CHCHD3: variants seen among roughly 807,000 people sequenced by gnomAD.
CHCHD3 encodes MICOS complex subunit MIC19.
In CHCHD3, 20 loss-of-function variants were observed where a neutral mutation model predicts 38.2. That is an observed-to-expected ratio of 0.52 (90% CI 0.37 to 0.76). CHCHD3 has a LOEUF of 0.76. Ranked by LOEUF, CHCHD3 falls within the 30% of genes least tolerant of loss-of-function variation. The probability of loss-of-function intolerance (pLI) is 0.00; values close to 1 mark genes in which losing one functional copy is unlikely to be tolerated. For missense variants in CHCHD3, 245 were observed against 279.2 expected, an observed-to-expected ratio of 0.88 and a Z score of 0.87; for synonymous variants, 82 against 100.0, an observed-to-expected ratio of 0.82 and a Z score of 1.07.
chr7:132,947,960 G>A (rs1296535705), intron 4 of CHCHD3, among the ~76,000 whole-genome samples: 1 of 151,950 alleles, frequency 6.6e-6, no homozygotes, highest in Non-Finnish European at 1.5e-5. Flanking sequence ...GTGTGACAAG[G>A]ATCCCACAGT....
chr7:132,951,208 A>G (rs1481188915), intron 4 of CHCHD3, among the ~76,000 whole-genome samples: 1 of 152,220 alleles, frequency 6.6e-6, no homozygotes, highest in Non-Finnish European at 1.5e-5. Flanking sequence ...ACTGTTGAAA[A>G]GGCCAAGGAG....
chr7:132,984,505 C>A (rs1328847316), intron 3 of CHCHD3, among the ~76,000 whole-genome samples: 1 of 145,892 alleles, frequency 6.9e-6, no homozygotes, highest in Non-Finnish European at 1.5e-5. Context: ...AAGTGAGGAG[C>A]GTCTCTGCCT....
At chr7:132,815,785 C>T (rs1246660173) in intron 6 of CHCHD3, among the ~76,000 whole-genome samples, 4 of 152,120 alleles carry the variant, frequency 2.6e-5, no homozygotes, top group Non-Finnish European at 5.9e-5. Context: ...GTTTACGCAC[C>T]GTCAGTCAAG....
chr7:132,851,297 T>C (rs755248031), intron 5 of CHCHD3, among the ~76,000 whole-genome samples: 3 of 152,180 alleles, frequency 2.0e-5, no homozygotes, highest in Non-Finnish European at 4.4e-5. Flanking sequence ...TTAAGTAAAT[T>C]CTCATCATGC....
chr7:133,046,573 G>T (rs538866014), intron 2 of CHCHD3, among the ~76,000 whole-genome samples: 33 of 48,576 alleles, frequency 6.8e-4, no homozygotes, highest in African/African-American at 9.2e-4. Flanking sequence ...ATTTTTTTGG[G>T]GGGGGGAGAC....
At chr7:132,786,570 A>T (rs1237743247) in intron 7 of CHCHD3, among the ~76,000 whole-genome samples, 2 of 152,110 alleles carry the variant, frequency 1.3e-5, no homozygotes, top group African/African-American at 4.8e-5. Context: ...AAGAAGAAAA[A>T]AGTGATACTT....
At chr7:132,881,054 T>C (rs1394095576) in intron 5 of CHCHD3, among the ~76,000 whole-genome samples, 1 of 152,166 alleles carries the variant, frequency 6.6e-6, no homozygotes, top group African/African-American at 2.4e-5. Flanking sequence ...ATTGATAACT[T>C]AGCAACATTT....
chr7:133,017,108 GA>G (rs748465804), intron 3 of CHCHD3, among the ~76,000 whole-genome samples: 69 of 152,178 alleles, frequency 4.5e-4, no homozygotes, highest in Admixed American at 6.5e-5. Context: ...CTTTAGGAAG[GA>G]AAAAGAAGAA....
intron 4 of CHCHD3, among the ~76,000 whole-genome samples, chr7:132,960,186 G>A (rs1429050044): frequency 3.3e-5 from 5 of 152,028 alleles, no homozygotes; most frequent in African/African-American, 1.2e-4. Context: ...ACTACACCAA[G>A]AGCCTGCTTT....
chr7:132,918,842 T>G (rs771485373), intron 4 of CHCHD3, among the ~76,000 whole-genome samples: 1 of 152,110 alleles, frequency 6.6e-6, no homozygotes, highest in South Asian at 2.1e-4. Context: ...TAGAAACTAC[T>G]GGCAAATAGG....
chr7:132,796,348 C>A, intron 7 of CHCHD3, 94 bp downstream of exon 7: 1 of 1,414,698 alleles, frequency 7.1e-7, no homozygotes, highest in African/African-American at 1.4e-5. Flanking sequence ...AAAGCTTTTT[C>A]ACACACAGTG....
rs1806614492 is a variant in CHCHD3 at position 132,796,440 on chromosome 7, A to G, written c.660+2T>C. ...CCCCAGTGGCCTGGCTGGCACACCT[A>G]CCTGTTTGGCATGATTGACACAGTG... On this transcript the variant is annotated splice_donor_variant, in intron 7 of 7. Transcript: ENST00000262570. LOFTEE classifies it high-confidence loss of function. 1.9e-6 allele frequency: 3 copies of G among 1,613,582 alleles called. No homozygotes were observed. Among genetic ancestry groups the G allele is most frequent in the Non-Finnish European group, 2.5e-6 (3 of 1,179,652 alleles).
chr7:132,991,054 C>T (rs1465306391), intron 3 of CHCHD3, among the ~76,000 whole-genome samples: 1 of 151,412 alleles, frequency 6.6e-6, no homozygotes, highest in Non-Finnish European at 1.5e-5. Context: ...CTCCATGAAG[C>T]CAGAGTAAAC....
At chr7:132,948,246 TCTGA>T (rs1172150141) in intron 4 of CHCHD3, among the ~76,000 whole-genome samples, 1 of 152,122 alleles carries the variant, frequency 6.6e-6, no homozygotes, top group Non-Finnish European at 1.5e-5. Flanking sequence ...TGACCTTGAC[TCTGA>T]CTGCTGGCTG....
intron 4 of CHCHD3, among the ~76,000 whole-genome samples, chr7:132,937,831 G>A (rs1366924201): frequency 1.3e-5 from 2 of 152,210 alleles, no homozygotes; most frequent in African/African-American, 4.8e-5. Flanking sequence ...CTTTGTTACT[G>A]ATTAAGATTT....
At chr7:133,034,970 G>A (rs1584661262) in intron 2 of CHCHD3, 2 of 1,603,404 alleles carry the variant, frequency 1.2e-6, no homozygotes, top group Non-Finnish European at 8.5e-7. Flanking sequence ...GGGACCAGCC[G>A]TCCTTATCAA....
intron 3 of CHCHD3, among the ~76,000 whole-genome samples, chr7:133,008,970 CAA>C (rs34312085): frequency 1.7e-4 from 22 of 127,958 alleles, no homozygotes; most frequent in Middle Eastern, 3.8e-3. Flanking sequence ...CAAAAAAGAC[CAA>C]AAAAAAAAAA....
chr7:133,082,081 C>T lies in CHCHD3; in HGVS notation c.-144G>A, dbSNP rs1815195806. On this transcript the variant is annotated 5_prime_UTR_variant, in exon 1 of 8. Coordinates refer to ENST00000262570, the MANE Select transcript of CHCHD3 (RefSeq NM_017812.4). Reference sequence around the variant, plus strand: ...ACGACCCCCAGAAGCAAGGAGAAGGCGCCGGTCCTGAGCTCCCGCCTCCTC... The same window carrying T: ...ACGACCCCCAGAAGCAAGGAGAAGGTGCCGGTCCTGAGCTCCCGCCTCCTC... 1.4e-6 allele frequency: 1 copy of T among 719,260 alleles called. No individual in the cohort carries two copies. 44.6% of individuals were successfully genotyped at this position (719,260 alleles called of 1,614,324 possible).
intron 2 of CHCHD3, among the ~76,000 whole-genome samples, chr7:133,045,468 G>C (rs1813957625): frequency 6.6e-6 from 1 of 152,104 alleles, no homozygotes; most frequent in Non-Finnish European, 1.5e-5. Context: ...AAATTGCCCA[G>C]AAGAAGCTGA....
Sources: gnomAD v4.1 joint callset for allele counts (sites outside exome capture counted in the v4.1 genomes callset) on GRCh38, gnomAD v4.1.1 for gene constraint, MANE v1.5 for transcripts, NCBI Gene and HGNC (gene_info 2026-07-23, HGNC 2026-07-21) for gene names.